Variants in MRPS9 observed in about 807,000 individuals in gnomAD.
MRPS9 encodes small ribosomal subunit protein uS9m.
In MRPS9, 45 loss-of-function variants were observed where a neutral mutation model predicts 59.9. The observed-to-expected ratio is 0.75, with a 90% CI of 0.59 to 0.96. The LOEUF (loss-of-function observed/expected upper bound fraction) is 0.96. MRPS9 is among the 40% of genes least tolerant of loss of function. MRPS9 has a pLI of 0.00. For synonymous variants in MRPS9, 171 were observed against 166.8 expected, an observed-to-expected ratio of 1.03 and a Z score of -0.19; for missense variants, 473 against 481.1, an observed-to-expected ratio of 0.98 and a Z score of 0.16.
At chr2:105,056,665 A>G (rs935880383) in intron 2 of MRPS9, among the ~76,000 whole-genome samples, 4 of 152,194 alleles carry the variant, frequency 2.6e-5, no homozygotes, top group African/African-American at 7.2e-5. Context: ...TTTTTCATTG[A>G]TTTCCAGTTT....
intron 8 of MRPS9, among the ~76,000 whole-genome samples, chr2:105,092,844 AT>A (rs1680589113): frequency 6.6e-6 from 1 of 152,270 alleles, no homozygotes; most frequent in African/African-American, 2.4e-5. Context: ...TAATTTTCAC[AT>A]TTTAAGCTGC....
intron 2 of MRPS9, among the ~76,000 whole-genome samples, chr2:105,069,365 CCA>C: frequency 6.6e-6 from 1 of 152,188 alleles, no homozygotes; most frequent in Non-Finnish European, 1.5e-5. Context: ...CAGGCGCCCG[CCA>C]CCATGCCCAG....
At chr2:105,051,445 T>C (rs1679709208) in intron 2 of MRPS9, among the ~76,000 whole-genome samples, 1 of 152,206 alleles carries the variant, frequency 6.6e-6, no homozygotes. Flanking sequence ...TGTAGCTTTA[T>C]AGTAAGTTTT....
At chr2:105,093,891 G>A (rs993373823) in intron 9 of MRPS9, among the ~76,000 whole-genome samples, 1 of 152,128 alleles carries the variant, frequency 6.6e-6, no homozygotes, top group African/African-American at 2.4e-5. Flanking sequence ...TGCAGTTTGA[G>A]TAGTCTTAGA....
In MRPS9 at chr2:105,099,784, A is replaced by C; in HGVS notation, c.*23A>C. 6.2e-7 allele frequency: 1 copy of C among 1,610,582 alleles called. No homozygotes were observed. The highest frequency in any genetic ancestry group is 1.1e-5 in the South Asian group (1 of 90,952). On this transcript the variant is annotated 3_prime_UTR_variant, in exon 11 of 11. Transcript: ENST00000258455. ...TAAGGGTTTGCTCCCAGGAAAGGAGAGGAAGAGCTATATATATGTGCCGAC... is the reference window on the plus strand; with the variant it reads ...TAAGGGTTTGCTCCCAGGAAAGGAGCGGAAGAGCTATATATATGTGCCGAC...
At chr2:105,062,044 C>T (rs13396298) in intron 2 of MRPS9, among the ~76,000 whole-genome samples, 2 of 152,126 alleles carry the variant, frequency 1.3e-5, no homozygotes, top group African/African-American at 4.8e-5. Context: ...GTAAGGACCT[C>T]TGAATGAATA....
chr2:105,038,775 G>C lies in MRPS9; in HGVS notation c.135+548G>C, dbSNP rs113538375. Among the ~76,000 whole-genome samples, 1,281 of 152,286 alleles carry C rather than the reference G, an allele frequency of 8.4e-3. 18 individuals are homozygous for C. The highest frequency in any genetic ancestry group is 0.029 in the African/African-American group (1,209 of 41,554). On this transcript the variant is annotated intron_variant, in intron 1 of 10. Coordinates refer to ENST00000258455, the MANE Select transcript of MRPS9 (RefSeq NM_182640.3). ...CGTTTCGTTTAATCCAGGGAGAAGT[G>C]GGGAGTCAACAGCTGGATGGCTGAT... is the stretch of plus-strand genomic sequence containing the variant.
chr2:105,042,160 GT>G (rs1175413733), intron 1 of MRPS9, among the ~76,000 whole-genome samples: 4 of 152,218 alleles, frequency 2.6e-5, no homozygotes, highest in Non-Finnish European at 5.9e-5. Flanking sequence ...ACTTTGTTGG[GT>G]CCTCTTGCTC....
intron 2 of MRPS9, among the ~76,000 whole-genome samples, chr2:105,061,828 T>C (rs1287032380): frequency 6.6e-6 from 1 of 152,200 alleles, no homozygotes; most frequent in African/African-American, 2.4e-5. Flanking sequence ...GAACGTAAGA[T>C]GGAGGTCTGT....
intron 1 of MRPS9, among the ~76,000 whole-genome samples, chr2:105,047,823 G>A (rs958350679): frequency 1.3e-5 from 2 of 151,998 alleles, no homozygotes; most frequent in Non-Finnish European, 2.9e-5. Flanking sequence ...AGCATAAAAG[G>A]ACCAGCAGCA....
rs768647059 is a variant in MRPS9 at position 105,097,358 on chromosome 2, A to G, written c.1099+34A>G. On this transcript the variant is annotated intron_variant, in intron 10 of 10. Transcript: ENST00000258455. ...CTAGGTGGGACGGGCATGGTGGCCC[A>G]ATACTGGCTATACATGTTCATCTGC... is the stretch of plus-strand genomic sequence containing the variant. 37 of 1,528,358 alleles carry G rather than the reference A, an allele frequency of 2.4e-5. No homozygotes were observed. In the Middle Eastern group the frequency reaches 5.3e-4, roughly 22 times the overall value. 94.7% of individuals were successfully genotyped at this position (1,528,358 alleles called of 1,614,324 possible).
At chr2:105,042,909 C>T (rs1466006899) in intron 1 of MRPS9, among the ~76,000 whole-genome samples, 2 of 152,182 alleles carry the variant, frequency 1.3e-5, no homozygotes, top group Non-Finnish European at 2.9e-5. Flanking sequence ...GATCCATCAA[C>T]CAGCTTCAAC....
chr2:105,094,408 T>C (rs548684224), intron 9 of MRPS9, among the ~76,000 whole-genome samples: 5 of 152,364 alleles, frequency 3.3e-5, no homozygotes, highest in Non-Finnish European at 7.3e-5. Flanking sequence ...ATTTTCCCAG[T>C]ACTTACTGTC....
In MRPS9 at chr2:105,099,899, A is replaced by T; in HGVS notation, c.*138A>T. On this transcript the variant is annotated 3_prime_UTR_variant, in exon 11 of 11. Transcript: ENST00000258455. ...TGAGCTGTGAGATGGATTTATTTTT[A>T]AATGCTACTTTGTAAAGGTGACCTT... 2 of 584,110 alleles carry T rather than the reference A, an allele frequency of 3.4e-6. No individual in the cohort carries two copies. The highest frequency in any genetic ancestry group is 5.9e-6 in the Non-Finnish European group (2 of 338,846). The allele number at this position is 584,110 out of a possible 1,614,324, so 36.2% of individuals were successfully genotyped here.
intron 2 of MRPS9, among the ~76,000 whole-genome samples, chr2:105,067,055 T>A (rs977389955): frequency 2.0e-5 from 3 of 152,204 alleles, no homozygotes; most frequent in Non-Finnish European, 4.4e-5. Context: ...GTAAAACATT[T>A]TTTATTGATC....
intron 9 of MRPS9, among the ~76,000 whole-genome samples, chr2:105,096,109 T>C (rs1680654289): frequency 6.6e-6 from 1 of 152,314 alleles, no homozygotes; most frequent in South Asian, 2.1e-4. Context: ...GTAGGAGTTA[T>C]GTCATCCCTA....
At chr2:105,052,135 T>C (rs1679723191) in intron 2 of MRPS9, among the ~76,000 whole-genome samples, 1 of 152,218 alleles carries the variant, frequency 6.6e-6, no homozygotes, top group Non-Finnish European at 1.5e-5. Context: ...CCTAATTGCC[T>C]TGGCTAGAAT....
At chr2:105,049,408 C>A in intron 2 of MRPS9, 58 bp downstream of exon 2, 1 of 1,434,380 alleles carries the variant, frequency 7.0e-7, no homozygotes, top group Non-Finnish European at 9.6e-7. Flanking sequence ...ATATTAAAAG[C>A]ACTTTTCTTC....
At chr2:105,059,683 T>G (rs1679860033) in intron 2 of MRPS9, among the ~76,000 whole-genome samples, 1 of 152,170 alleles carries the variant, frequency 6.6e-6, no homozygotes, top group South Asian at 2.1e-4. Flanking sequence ...TTATGAAATT[T>G]CTGTTAATTC....
Sources: gnomAD v4.1 joint callset for allele counts (sites outside exome capture counted in the v4.1 genomes callset) on GRCh38, gnomAD v4.1.1 for gene constraint, MANE v1.5 for transcripts, NCBI Gene and HGNC (gene_info 2026-07-23, HGNC 2026-07-21) for gene names.